FANCB: variants seen among roughly 807,000 people sequenced by gnomAD.
FANCB encodes FA complementation group B, also known as Fanconi anemia group B protein.
Under a neutral mutation model 38.9 loss-of-function variants are expected in FANCB, and 5 were observed. The ratio of observed to expected loss-of-function variants is 0.13; its 90% CI spans 0.07 to 0.27. FANCB has a LOEUF of 0.27. Ranked by LOEUF, FANCB falls within the 10% of genes least tolerant of loss-of-function variation. The pLI is 1.00. For missense variants in FANCB, 573 were observed against 602.7 expected (o/e 0.95, Z 0.52); for synonymous variants, 236 against 215.4 (o/e 1.10, Z -0.84).
the FANCB span, among the ~76,000 whole-genome samples, chrX:14,760,299 C>A: frequency 8.9e-6 from 1 of 112,030 alleles, no homozygotes; most frequent in Admixed American, 9.4e-5. Flanking sequence ...AAACCAGGCA[C>A]AGAAAGACAA....
At chrX:14,786,023 A>AGAGAG in the FANCB span, among the ~76,000 whole-genome samples, 1 of 111,889 alleles carries the variant, frequency 8.9e-6, no homozygotes. Context: ...AGTTAACTGC[A>AGAGAG]ATGTCTTCAC....
the FANCB span, among the ~76,000 whole-genome samples, chrX:14,781,524 C>T: frequency 9.0e-6 from 1 of 111,680 alleles, no homozygotes; most frequent in Non-Finnish European, 1.9e-5. Context: ...GGATGAGAGG[C>T]AGAAGGCTAG....
chrX:14,802,099 A>T, the FANCB span, among the ~76,000 whole-genome samples: 1 of 111,430 alleles, frequency 9.0e-6, no homozygotes, highest in East Asian at 2.8e-4. Flanking sequence ...ATTACAGATA[A>T]TATCATTCGA....
the FANCB span, chrX:14,691,003 T>A: frequency 3.4e-5 from 19 of 556,903 alleles, no homozygotes; most frequent in Non-Finnish European, 2.8e-6. Context: ...GACTTAGTGC[T>A]CAGCTTAGGC....
At chrX:14,774,392 T>C in the FANCB span, among the ~76,000 whole-genome samples, 1 of 112,012 alleles carries the variant, frequency 8.9e-6, no homozygotes, top group East Asian at 2.8e-4. Flanking sequence ...AAATATAAAA[T>C]AGAAATCCAT....
chrX:14,748,128 A>C, the FANCB span, among the ~76,000 whole-genome samples: 1 of 111,747 alleles, frequency 8.9e-6, no homozygotes, highest in South Asian at 3.9e-4. Flanking sequence ...CAGGTTACAA[A>C]AGACTCTGAC....
chrX:14,786,627 C>T, the FANCB span, among the ~76,000 whole-genome samples: 1 of 111,491 alleles, frequency 9.0e-6, no homozygotes, highest in South Asian at 3.8e-4. Flanking sequence ...AGGAAAAGTG[C>T]ACTTAAAAGA....
At position 14,850,491 on chromosome X, in the gene FANCB, T is replaced by C. The variant is rs757930604; in HGVS notation, c.1496+14A>G. 8.5e-7 allele frequency: 1 copy of C among 1,181,118 alleles called. No homozygotes were observed. The highest frequency in any genetic ancestry group is 2.2e-5 in the Admixed American group (1 of 46,043). On this transcript the variant is annotated intron_variant, in intron 7 of 9. Transcript: ENST00000650831. Reference sequence around the variant, plus strand: ...GAGCATCAAGACAGTGTTATCATGTTGGAATTTACTTACAGCTTCAAAGAA... The same window carrying C: ...GAGCATCAAGACAGTGTTATCATGTCGGAATTTACTTACAGCTTCAAAGAA...
the FANCB span, among the ~76,000 whole-genome samples, chrX:14,695,144 T>C: frequency 9.8e-6 from 1 of 102,446 alleles, no homozygotes; most frequent in Non-Finnish European, 2.1e-5. Flanking sequence ...AGATTACACA[T>C]TGAGATAACA....
the FANCB span, among the ~76,000 whole-genome samples, chrX:14,738,488 A>T: frequency 8.9e-6 from 1 of 112,168 alleles, no homozygotes; most frequent in Non-Finnish European, 1.9e-5. Context: ...AACGGATATT[A>T]TTACTATCGC....
chrX:14,716,269 T>C, the FANCB span, among the ~76,000 whole-genome samples: 4 of 111,520 alleles, frequency 3.6e-5, no homozygotes, highest in Non-Finnish European at 5.7e-5. Context: ...GTCCTATCTC[T>C]TCATTTTAAA....
At chrX:14,783,925 C>T in the FANCB span, among the ~76,000 whole-genome samples, 1 of 112,496 alleles carries the variant, frequency 8.9e-6, no homozygotes, top group African/African-American at 3.2e-5. Context: ...TAAAACAATG[C>T]AAGGCCAGGC....
At chrX:14,770,728 T>A in the FANCB span, among the ~76,000 whole-genome samples, 36 of 112,467 alleles carry the variant, frequency 3.2e-4, no homozygotes, top group Non-Finnish European at 7.5e-5. Context: ...ATTCATAGTG[T>A]CACTGGTCTG....
the FANCB span, among the ~76,000 whole-genome samples, chrX:14,691,326 CGCGCGT>C: frequency 1.4e-5 from 1 of 69,149 alleles, no homozygotes; most frequent in Non-Finnish European, 2.9e-5. Context: ...TGTGTGTGTG[CGCGCGT>C]GCGTGCGTGT....
chrX:14,745,669 A>G, the FANCB span, among the ~76,000 whole-genome samples: 1 of 97,042 alleles, frequency 1.0e-5, no homozygotes, highest in Non-Finnish European at 2.0e-5. Context: ...CTTGAGACTG[A>G]TGACTGGAAA....
At chrX:14,872,524 C>G (rs5935819) in intron 1 of FANCB, among the ~76,000 whole-genome samples, 21,265 of 109,157 alleles carry the variant, frequency 0.19, 2,025 homozygotes, top group Non-Finnish European at 0.28. Flanking sequence ...GGCAGCTTCC[C>G]TGGTCTCTAT....
downstream of FANCB, chrX:14,834,955 C>T: frequency 1.2e-6 from 1 of 813,246 alleles, no homozygotes; most frequent in Non-Finnish European, 1.8e-6. Flanking sequence ...TCTGACTCTG[C>T]ATCTTCCTCC....
chrX:14,848,781 G>A (rs991700447), intron 7 of FANCB, among the ~76,000 whole-genome samples: 1 of 110,899 alleles, frequency 9.0e-6, no homozygotes, highest in African/African-American at 3.3e-5. Context: ...TCATCCCCAC[G>A]TGACCATCTC....
the FANCB span, among the ~76,000 whole-genome samples, chrX:14,724,419 A>G: frequency 9.1e-6 from 1 of 109,722 alleles, no homozygotes; most frequent in Non-Finnish European, 1.9e-5. Context: ...GGAAGTCAGG[A>G]GTTTGAGACC....
Sources: allele counts gnomAD v4.1 joint callset (sites outside exome capture counted in the v4.1 genomes callset), GRCh38; gene constraint gnomAD v4.1.1; transcripts MANE v1.5; gene names NCBI Gene and HGNC (gene_info 2026-07-23, HGNC 2026-07-21).